Variants in ALS2CL observed in about 807,000 individuals in gnomAD.
The protein encoded by ALS2CL is ALS2 C-terminal-like protein.
Under a neutral mutation model 127.9 loss-of-function variants are expected in ALS2CL, and 112 were observed. That is an observed-to-expected ratio of 0.88 (90% CI 0.75 to 1.02). The LOEUF (loss-of-function observed/expected upper bound fraction) is 1.02, where lower values mean the gene tolerates loss of function less well. Among genes scored for constraint, ALS2CL ranks in the 50% least tolerant of loss-of-function variants. The pLI is 0.00. For missense variants in ALS2CL, 1,174 were observed against 1,236.7 expected (o/e 0.95, Z 0.76); for synonymous variants, 519 against 527.6 (o/e 0.98, Z 0.22).
At chr3:46,684,095 T>C in intron 7 of ALS2CL, 48 bp from the exon 8 acceptor site, 1 of 1,544,894 alleles carries the variant, frequency 6.5e-7, no homozygotes, top group Non-Finnish European at 8.8e-7. Flanking sequence ...GGCCAGATGC[T>C]CACCTACCCT....
In ALS2CL at chr3:46,685,592, G is replaced by T. The variant is rs1699701484; in HGVS notation, c.719C>A (p.Pro240His). ...HRLLQDSQDV[P>H]VTVAPLRAER... ...AGCCCGCAACGGTGCGACCGTCACG[G>T]GTACGTCCTGGCTGTCCTGAAGGAG... Residue 240 changes from proline (P) to histidine (H), a missense_variant, in exon 7 of 26, where the codon CCC (proline) becomes CAC (histidine). By Grantham distance (77) the Pro-to-His change is moderately conservative. Transcript: ENST00000318962. 1 of 1,613,898 alleles carries T rather than the reference G, an allele frequency of 6.2e-7. No homozygotes were observed. The highest frequency in any genetic ancestry group is 8.5e-7 in the Non-Finnish European group (1 of 1,179,960).
chr3:46,688,266 T>C lies in ALS2CL; in HGVS notation c.134A>G (p.Glu45Gly). 6.2e-7 allele frequency: 1 copy of C among 1,612,808 alleles called. No homozygotes were observed. The highest frequency in any genetic ancestry group is 8.5e-7 in the Non-Finnish European group (1 of 1,179,940). Residue 45 changes from glutamate (E) to glycine (G), a missense_variant, in exon 3 of 26, where the codon GAG (glutamate) becomes GGG (glycine). Glu to Gly is a moderately conservative substitution (Grantham distance 98). Transcript: ENST00000318962. ...APDPSDPWGRECLRLLQQLHK... is the reference protein window; with the variant it reads ...APDPSDPWGRGCLRLLQQLHK... ...CAGCTGTTGCAAGAGCCGCAGGCAC[T>C]CTCTGCCCCAGGGATCCGAGGGATC...
chr3:46,674,199 G>C (rs1014207143), intron 21 of ALS2CL, among the ~76,000 whole-genome samples: 3 of 152,180 alleles, frequency 2.0e-5, no homozygotes, highest in African/African-American at 7.2e-5. Context: ...GCACTCAGGG[G>C]TGGGCTCAAG....
Position 46,671,061 on chromosome 3 carries a change from A to T in ALS2CL, c.2785T>A (p.Cys929Ser). Reference sequence around the variant, plus strand: ...TCTTCTTTCTGGATGTGCTCGTAACAGGACTGGAGGGAGAGAGGCAAGGCT... The same window carrying T: ...TCTTCTTTCTGGATGTGCTCGTAACTGGACTGGAGGGAGAGAGGCAAGGCT... The part of the protein sequence containing the change: ...YDFLLTALES[C>S]YEHIQKEDMR... Residue 929 changes from cysteine to serine, a missense_variant, in exon 26 of 26, where the codon TGT becomes AGT. Transcript: ENST00000318962. 6.2e-7 allele frequency: 1 copy of T among 1,614,130 alleles called. No homozygotes were observed. Among genetic ancestry groups the T allele is most frequent in the East Asian group, 2.2e-5 (1 of 44,872 alleles).
rs114151518 is a variant in ALS2CL, at chr3:46,671,641, C to T, written c.2685-57G>A. 2,748 of 1,611,660 alleles carry T rather than the reference C, an allele frequency of 1.7e-3. 31 individuals are homozygous for T. The African/African-American group carries it at 0.028, about 16-fold the overall frequency. On this transcript the variant is annotated intron_variant, in intron 24 of 25. Coordinates refer to ENST00000318962, the MANE Select transcript of ALS2CL (RefSeq NM_147129.5). Reference sequence around the variant, plus strand: ...GGAGACAAGGAGAAGAGGCCTGTCGCGGACAGGCAGCTGGGGAAGGAGCGC... The same window carrying T: ...GGAGACAAGGAGAAGAGGCCTGTCGTGGACAGGCAGCTGGGGAAGGAGCGC...
chr3:46,689,223 C>T lies in ALS2CL; in HGVS notation c.103+115G>A, dbSNP rs969897338. 5 of 1,063,444 alleles carry T rather than the reference C, an allele frequency of 4.7e-6. No individual in the cohort carries two copies. In the African/African-American group the frequency reaches 7.9e-5, roughly 17 times the overall value. The allele number at this position is 1,063,444 out of a possible 1,614,324, so 65.9% of individuals were successfully genotyped here. On this transcript the variant is annotated intron_variant, in intron 2 of 25. Coordinates refer to ENST00000318962, the MANE Select transcript of ALS2CL (RefSeq NM_147129.5). ...AGAAGATGCTGATACCAGGTGTCAC[C>T]ACTCCTATTTGAGGTTGAGAAAGCT...
At position 46,692,848 on chromosome 3, in the gene ALS2CL, G is replaced by A. The variant is rs538416246; in HGVS notation, c.-26+795C>T. Among the ~76,000 whole-genome samples, 5 of 152,302 alleles carry A rather than the reference G, an allele frequency of 3.3e-5. No homozygotes were observed. In the East Asian group the frequency reaches 7.7e-4, roughly 24 times the overall value. On this transcript the variant is annotated intron_variant, in intron 1 of 25. Transcript: ENST00000318962. ...AGGTCCCTCCCGGGCAGGGTCACTGGGGCCTTCCCTGTCCTCTCCCAGGCC... is the reference window on the plus strand; with the variant it reads ...AGGTCCCTCCCGGGCAGGGTCACTGAGGCCTTCCCTGTCCTCTCCCAGGCC...
rs372575417 is a variant in ALS2CL, at chr3:46,683,842, C to T, written c.852G>A (p.Thr284=). Residue 284 remains threonine (T), a synonymous_variant, in exon 9 of 26, where the codon ACG becomes ACA. Coordinates refer to ENST00000318962, the MANE Select transcript of ALS2CL (RefSeq NM_147129.5). ...VWVDPGQDGC[T]FHLLTPEEEF... is the part of the protein sequence containing the mutation. ...CTTCTTCGGGCGTGAGGAGGTGAAA[C>T]GTGCACCTAGACAGACGGAGGTGAT... 24 of 1,614,056 alleles carry T rather than the reference C, an allele frequency of 1.5e-5. No homozygotes were observed. Among genetic ancestry groups the T allele is most frequent in the African/African-American group, 1.1e-4 (8 of 74,918 alleles).
intron 1 of ALS2CL, among the ~76,000 whole-genome samples, chr3:46,692,970 C>T (rs1700249993): frequency 6.6e-6 from 1 of 152,132 alleles, no homozygotes; most frequent in Non-Finnish European, 1.5e-5. Context: ...GCTGTGGAGG[C>T]TTTTTCATGG....
At chr3:46,678,091 CT>C (rs1201622022) in intron 16 of ALS2CL, among the ~76,000 whole-genome samples, 167 bp downstream of exon 16, 2 of 152,126 alleles carry the variant, frequency 1.3e-5, no homozygotes, top group African/African-American at 4.8e-5. Context: ...CACACAGCCC[CT>C]GATCCCAAGA....
At position 46,677,427 on chromosome 3, in the gene ALS2CL, G is replaced by A. The variant is rs1698949425; in HGVS notation, c.1758-405C>T. 2.9e-6 allele frequency: 3 copies of A among 1,025,808 alleles called. No homozygotes were observed. The South Asian group carries it at 1.1e-4, about 37-fold the overall frequency. 63.5% of individuals were successfully genotyped at this position (1,025,808 alleles called of 1,614,324 possible). ...TCCTTCCTGTGGTTGATCCCGCCCT[G>A]GCCAACAGGCTGGGGCCTGGCTGCG... is the stretch of plus-strand genomic sequence containing the variant. On this transcript the variant is annotated intron_variant, in intron 16 of 25. Coordinates refer to ENST00000318962, the MANE Select transcript of ALS2CL (RefSeq NM_147129.5).
intron 15 of ALS2CL, among the ~76,000 whole-genome samples, 184 bp downstream of exon 15, chr3:46,679,026 C>G (rs1699105194): frequency 6.6e-6 from 1 of 152,166 alleles, no homozygotes; most frequent in African/African-American, 2.4e-5. Flanking sequence ...GGTCCCCTCT[C>G]ACCTCACTCC....
chr3:46,679,381 G>GCCC, intron 14 of ALS2CL, 94 bp from the exon 15 acceptor site: 2 of 1,058,728 alleles, frequency 1.9e-6, no homozygotes, highest in Non-Finnish European at 2.8e-6. Flanking sequence ...AGGGAGATGT[G>GCCC]CCCTGACACA....
At chr3:46,673,226 G>GCCC in intron 22 of ALS2CL, 113 bp downstream of exon 22, 6 of 654,408 alleles carry the variant, frequency 9.2e-6, no homozygotes, top group South Asian at 1.8e-5. Flanking sequence ...AACCCACCCT[G>GCCC]CCCCTCCCCA....
Position 46,672,191 on chromosome 3 carries a change from AG to A in ALS2CL, c.2482del (p.Leu828TrpfsTer18), listed in dbSNP as rs1336259638. ...TGACAGGAAACACTTGTCCCTGACCAGGGAGTACCTCTGCATGGTGGAGGGA... is the reference window on the plus strand; with the variant it reads ...TGACAGGAAACACTTGTCCCTGACCAGGAGTACCTCTGCATGGTGGAGGGA... ...LTLTSNQRYS[L>X]VRDKCFLSAT... is the part of the protein sequence containing the mutation. On this transcript the variant is annotated frameshift_variant, in exon 23 of 26. Coordinates refer to ENST00000318962, the MANE Select transcript of ALS2CL (RefSeq NM_147129.5). LOFTEE classifies it high-confidence loss of function. 1 of 1,613,956 alleles carries A rather than the reference AG, an allele frequency of 6.2e-7. No individual in the cohort carries two copies. The highest frequency in any genetic ancestry group is 1.3e-5 in the African/African-American group (1 of 74,914).
intron 8 of ALS2CL, 61 bp from the exon 9 acceptor site, chr3:46,683,909 G>A (rs1381018768): frequency 6.2e-7 from 1 of 1,613,422 alleles, no homozygotes; most frequent in Non-Finnish European, 8.5e-7. Flanking sequence ...AGGGGCCCAA[G>A]CCAGAGTCCC....
Position 46,681,096 on chromosome 3 carries a change from C to T in ALS2CL, c.1436+150G>A, listed in dbSNP as rs1349057115. On this transcript the variant is annotated intron_variant, in intron 13 of 25. Coordinates refer to ENST00000318962, the MANE Select transcript of ALS2CL (RefSeq NM_147129.5). This position sits in a 1 kb window ranked among gnomAD's most constrained non-coding sequence, Gnocchi z 4.9. ...TGACCAAGATTCGCTCAGCCTGAGC[C>T]TCCGCAGCAACCGAGGGACTGGAGG... 8 of 1,288,572 alleles carry T rather than the reference C, an allele frequency of 6.2e-6. No individual in the cohort carries two copies. Among genetic ancestry groups the T allele is most frequent in the Non-Finnish European group, 8.9e-6 (8 of 898,460 alleles). The allele number at this position is 1,288,572 out of a possible 1,614,324, so 79.8% of individuals were successfully genotyped here.
intron 16 of ALS2CL, 84 bp from the exon 17 acceptor site, chr3:46,677,106 G>A (rs1698912982): frequency 6.6e-7 from 1 of 1,508,760 alleles, no homozygotes; most frequent in Non-Finnish European, 8.8e-7. Context: ...CCTTGGAGGG[G>A]TGGGGGTATG....
rs1227088882 is a variant in ALS2CL at position 46,674,588 on chromosome 3, G to A, written c.2407C>T (p.Leu803Phe). ...TACTTCTGCACATCCAGGAACTCGA[G>A]CAGTTGGGTATCAGGAAAGAGGCTC... ...NLSLFPDTQLLEFLDVQKHLW... is the reference protein window; with the variant it reads ...NLSLFPDTQLFEFLDVQKHLW... The change falls in exon 21 of 26, where the codon CTC becomes TTC. Residue 803 changes from leucine to phenylalanine, a missense_variant. Physicochemically the swap from Leu to Phe is conservative, Grantham distance 22. Coordinates refer to ENST00000318962, the MANE Select transcript of ALS2CL (RefSeq NM_147129.5). 2 of 1,613,482 alleles carry A rather than the reference G, an allele frequency of 1.2e-6. No individual in the cohort carries two copies. Among genetic ancestry groups the A allele is most frequent in the Admixed American group, 1.7e-5 (1 of 59,896 alleles).
Sources: gnomAD v4.1 joint callset for allele counts (sites outside exome capture counted in the v4.1 genomes callset) on GRCh38, gnomAD v4.1.1 for gene constraint, Gnocchi (gnomAD v3.1) non-coding constraint, MANE v1.5 for transcripts, NCBI Gene and HGNC (gene_info 2026-07-23, HGNC 2026-07-21) for gene names.